The following ANKRD13C variants were observed in gnomAD, a reference collection of about 807,000 sequenced individuals.
The protein encoded by ANKRD13C is ankyrin repeat domain 13C.
ANKRD13C carries 16 observed loss-of-function variants against 65.5 expected under a neutral mutation model. The observed-to-expected ratio is 0.24, with a 90% CI of 0.17 to 0.37. ANKRD13C has a LOEUF of 0.37. ANKRD13C is among the 10% of genes least tolerant of loss of function. ANKRD13C has a pLI of 1.00. For missense variants in ANKRD13C, 503 were observed against 655.9 expected (o/e 0.77, Z 2.55); for synonymous variants, 235 against 238.7 (o/e 0.98, Z 0.14).
chr1:70,293,749 T>C (rs1679959717), intron 8 of ANKRD13C: 1 of 157,402 alleles, frequency 6.4e-6, no homozygotes, highest in African/African-American at 2.4e-5. Flanking sequence ...GAGCTTAGAT[T>C]TCCTAACAGA....
Position 70,262,307 on chromosome 1 carries a change from C to A in ANKRD13C, c.*410G>T, listed in dbSNP as rs1452057347. 1 of 152,564 alleles carries A rather than the reference C, an allele frequency of 6.6e-6. No homozygotes were observed. The highest frequency in any genetic ancestry group is 1.5e-5 in the Non-Finnish European group (1 of 68,102). The allele number at this position is 152,564 out of a possible 1,614,324, so 9.5% of individuals were successfully genotyped here. On this transcript the variant is annotated 3_prime_UTR_variant, in exon 13 of 13. Coordinates refer to ENST00000370944, the MANE Select transcript of ANKRD13C (RefSeq NM_030816.5). Reference sequence around the variant, plus strand: ...AAAGATGACAAGTTTAAAAGGGCTCCATATCTCTTAAGACATTTAATTTAC... The same window carrying A: ...AAAGATGACAAGTTTAAAAGGGCTCAATATCTCTTAAGACATTTAATTTAC...
At chr1:70,306,783 T>A (rs911020948) in intron 5 of ANKRD13C, among the ~76,000 whole-genome samples, 1 of 152,268 alleles carries the variant, frequency 6.6e-6, no homozygotes, top group Non-Finnish European at 1.5e-5. Context: ...AGACTCAATG[T>A]ACCTGAGTTT....
chr1:70,335,486 A>G (rs1681983259), intron 2 of ANKRD13C, among the ~76,000 whole-genome samples: 1 of 151,848 alleles, frequency 6.6e-6, no homozygotes, highest in East Asian at 1.9e-4. Context: ...CTATTCAGCT[A>G]TCTAAAATCC....
At chr1:70,349,104 T>C (rs1682643057) in intron 1 of ANKRD13C, among the ~76,000 whole-genome samples, 1 of 152,180 alleles carries the variant, frequency 6.6e-6, no homozygotes, top group South Asian at 2.1e-4. Context: ...AAGAAAATCT[T>C]CTATACGTTT....
chr1:70,295,230 T>C (rs982944404), intron 8 of ANKRD13C, among the ~76,000 whole-genome samples: 1 of 151,830 alleles, frequency 6.6e-6, no homozygotes, highest in Admixed American at 6.6e-5. Context: ...GCTCATTCAA[T>C]TTATTTTTAT....
chr1:70,319,108 G>A (rs948861186), intron 3 of ANKRD13C, among the ~76,000 whole-genome samples: 3 of 152,042 alleles, frequency 2.0e-5, no homozygotes, highest in Non-Finnish European at 2.9e-5. Context: ...CCCTGACTCC[G>A]CTGTATTAAT....
intron 9 of ANKRD13C, among the ~76,000 whole-genome samples, chr1:70,288,343 A>G (rs1231410513): frequency 6.6e-6 from 1 of 152,164 alleles, no homozygotes; most frequent in Non-Finnish European, 1.5e-5. Context: ...ACAAAACTAA[A>G]CATTCAGCTA....
intron 11 of ANKRD13C, among the ~76,000 whole-genome samples, chr1:70,271,539 A>G (rs935994740): frequency 1.3e-5 from 2 of 152,158 alleles, no homozygotes; most frequent in Non-Finnish European, 1.5e-5. Flanking sequence ...TGTGCTTGAG[A>G]ATATCTTCAG....
At chr1:70,275,644 C>A (rs1301878802) in intron 10 of ANKRD13C, among the ~76,000 whole-genome samples, 1 of 151,860 alleles carries the variant, frequency 6.6e-6, no homozygotes, top group Non-Finnish European at 1.5e-5. Context: ...TACAATAATA[C>A]CCTCATAAAT....
chr1:70,269,999 T>A (rs879558348), intron 12 of ANKRD13C, among the ~76,000 whole-genome samples: 1 of 152,208 alleles, frequency 6.6e-6, no homozygotes, highest in Non-Finnish European at 1.5e-5. Flanking sequence ...AAAACACCTT[T>A]TAATAGTGTC....
chr1:70,275,089 G>T (rs528738581), intron 10 of ANKRD13C, among the ~76,000 whole-genome samples: 160 of 152,146 alleles, frequency 1.1e-3, no homozygotes, highest in Non-Finnish European at 1.9e-3. Flanking sequence ...CTATTTTTAG[G>T]AATAAAGAAA....
chr1:70,342,216 A>G (rs1237315508), intron 1 of ANKRD13C, among the ~76,000 whole-genome samples: 2 of 152,124 alleles, frequency 1.3e-5, no homozygotes, highest in Non-Finnish European at 2.9e-5. Context: ...AAGGAGAAGT[A>G]TAGGCTGGAG....
chr1:70,297,468 A>AT (rs1680140282), intron 7 of ANKRD13C, among the ~76,000 whole-genome samples: 1 of 148,268 alleles, frequency 6.7e-6, no homozygotes, highest in South Asian at 2.2e-4. Context: ...TAATTTTTTT[A>AT]TTTTTAGTAG....
rs186528990 is a variant in ANKRD13C, at chr1:70,271,845, C to T, written c.1395-889G>A. Among the ~76,000 whole-genome samples, 55 of 152,202 alleles carry T rather than the reference C, an allele frequency of 3.6e-4. 1 individual carries two copies. In the South Asian group the frequency reaches 7.7e-3, roughly 21 times the overall value. ...GAATATTATTTTGGTTATACTTGGA[C>T]GCCTTTTAAGTAAAACATGAATGAC... On this transcript the variant is annotated intron_variant, in intron 11 of 12. Coordinates refer to ENST00000370944, the MANE Select transcript of ANKRD13C (RefSeq NM_030816.5).
intron 9 of ANKRD13C, among the ~76,000 whole-genome samples, chr1:70,287,605 C>T (rs1026289153): frequency 1.3e-5 from 2 of 152,062 alleles, no homozygotes; most frequent in African/African-American, 4.8e-5. Flanking sequence ...AAATGATAAA[C>T]TTTTTTTCAA....
At position 70,283,538 on chromosome 1, in the gene ANKRD13C, C is replaced by T. The variant is rs141411857; in HGVS notation, c.1216-6694G>A. 4.4e-3 allele frequency among the ~76,000 whole-genome samples: 661 copies of T among 151,874 alleles called. 4 individuals are homozygous for T. The highest frequency in any genetic ancestry group is 0.016 in the African/African-American group (646 of 41,434). On this transcript the variant is annotated intron_variant, in intron 9 of 12. Coordinates refer to ENST00000370944, the MANE Select transcript of ANKRD13C (RefSeq NM_030816.5). ...TAAATAAAGAAAAAAAAATCCATGC[C>T]GGGTGCGGTGGCTCACACCTGTAAT...
intron 6 of ANKRD13C, among the ~76,000 whole-genome samples, chr1:70,301,185 A>G (rs1382679160): frequency 1.3e-5 from 2 of 151,632 alleles, no homozygotes; most frequent in Non-Finnish European, 2.9e-5. Flanking sequence ...ACACATATAT[A>G]TATATATATA....
Position 70,263,933 on chromosome 1 carries a change from T to TAAAAAG in ANKRD13C, c.1496-1087_1496-1086insCTTTTT, listed in dbSNP as rs1331587421. 2.0e-5 allele frequency among the ~76,000 whole-genome samples: 3 copies of TAAAAAG among 152,192 alleles called. No homozygotes were observed. In the South Asian group the frequency reaches 6.2e-4, roughly 31 times the overall value. ...TATTTTATTGCAGAAAGTTATGTTCTTATGTAAAAAGGAAAACAAAATACC... is the reference window on the plus strand; with the variant it reads ...TATTTTATTGCAGAAAGTTATGTTCTAAAAAGTATGTAAAAAGGAAAACAAAATACC... On this transcript the variant is annotated intron_variant, in intron 12 of 12. Transcript: ENST00000370944.
At chr1:70,332,307 G>T (rs563958174) in intron 2 of ANKRD13C, among the ~76,000 whole-genome samples, 25 of 152,096 alleles carry the variant, frequency 1.6e-4, no homozygotes, top group Non-Finnish European at 3.4e-4. Flanking sequence ...CCACAACAAA[G>T]AAAACTTTTT....
Sources: allele counts gnomAD v4.1 joint callset (sites outside exome capture counted in the v4.1 genomes callset), GRCh38; gene constraint gnomAD v4.1.1; transcripts MANE v1.5; gene names NCBI Gene and HGNC (gene_info 2026-07-23, HGNC 2026-07-21).